MAGI2: variants seen among roughly 807,000 people sequenced by gnomAD.
The protein encoded by MAGI2 is membrane associated guanylate kinase, WW and PDZ domain containing 2.
A neutral mutation model predicts 133.3 loss-of-function variants in MAGI2; 35 were observed. The ratio of observed to expected loss-of-function variants is 0.26; its 90% confidence interval spans 0.20 to 0.35. MAGI2 has a LOEUF of 0.35. Among genes scored for constraint, MAGI2 ranks in the 10% least tolerant of loss-of-function variants. The probability of loss-of-function intolerance (pLI) is 1.00; values close to 1 mark genes in which losing one functional copy is unlikely to be tolerated. For synonymous variants in MAGI2, 729 were observed against 710.6 expected (o/e 1.03, Z -0.41); for missense variants, 1,636 against 1,863.4 (o/e 0.88, Z 2.25).
intron 2 of MAGI2, among the ~76,000 whole-genome samples, chr7:78,997,721 T>C (rs1384769035): frequency 6.6e-6 from 1 of 152,124 alleles, no homozygotes; most frequent in Non-Finnish European, 1.5e-5. Context: ...TTGATTCTCC[T>C]AAATTTTTCA....
At chr7:78,534,633 T>C (rs890569487) in intron 3 of MAGI2, among the ~76,000 whole-genome samples, 1 of 152,208 alleles carries the variant, frequency 6.6e-6, no homozygotes, top group African/African-American at 2.4e-5. Context: ...CCAAGAGCTA[T>C]GCAGTTTGAA....
chr7:78,429,583 T>C (rs1799600336), intron 6 of MAGI2, among the ~76,000 whole-genome samples: 1 of 152,142 alleles, frequency 6.6e-6, no homozygotes, highest in South Asian at 2.1e-4. Context: ...AATAAATATG[T>C]ACCTTTTTTC....
At chr7:79,383,284 T>C (rs1843930413) in intron 1 of MAGI2, among the ~76,000 whole-genome samples, 1 of 151,674 alleles carries the variant, frequency 6.6e-6, no homozygotes, top group Non-Finnish European at 1.5e-5. Flanking sequence ...TCTTAGAATT[T>C]ACATTGCAAA....
At position 78,607,976 on chromosome 7, in the gene MAGI2, T is replaced by C. The variant is rs557448205; in HGVS notation, c.538+19144A>G. ...CTCAAGAGGACATAAAACAGTTCCA[T>C]GTTGGCTTCTCTTGAACATGTTCCA... On this transcript the variant is annotated intron_variant, in intron 3 of 21. Coordinates refer to ENST00000354212, the MANE Select transcript of MAGI2 (RefSeq NM_012301.4). 1.5e-3 allele frequency among the ~76,000 whole-genome samples: 225 copies of C among 152,324 alleles called. 1 individual carries two copies. The highest frequency in any genetic ancestry group is 5.2e-3 in the African/African-American group (216 of 41,564).
intron 3 of MAGI2, among the ~76,000 whole-genome samples, chr7:78,587,594 A>G (rs1044406276): frequency 1.3e-5 from 2 of 152,230 alleles, no homozygotes; most frequent in Non-Finnish European, 2.9e-5. Flanking sequence ...ATCACTTTAT[A>G]CAGTCCAACT....
chr7:78,842,754 T>A (rs1584113283), intron 2 of MAGI2, among the ~76,000 whole-genome samples: 1 of 151,914 alleles, frequency 6.6e-6, no homozygotes, highest in East Asian at 1.9e-4. Context: ...TTTCCAAAAG[T>A]AATTTATTTC....
At chr7:78,551,800 A>G (rs1799354466) in intron 3 of MAGI2, among the ~76,000 whole-genome samples, 1 of 152,358 alleles carries the variant, frequency 6.6e-6, no homozygotes, top group South Asian at 2.1e-4. Context: ...GCTGGAGGGC[A>G]GCGGTGCGAA....
intron 20 of MAGI2, among the ~76,000 whole-genome samples, chr7:78,102,559 C>T (rs753078558): frequency 6.6e-6 from 1 of 152,128 alleles, no homozygotes; most frequent in East Asian, 1.9e-4. Flanking sequence ...CTTTCCCCCA[C>T]AAAAAGACAG....
At chr7:79,434,579 A>G (rs552953632) in intron 1 of MAGI2, among the ~76,000 whole-genome samples, 4 of 152,344 alleles carry the variant, frequency 2.6e-5, no homozygotes, top group African/African-American at 9.6e-5. Context: ...TCACATTGTC[A>G]AAAATCTACC....
chr7:78,646,447 T>C (rs1810905914), intron 2 of MAGI2, among the ~76,000 whole-genome samples: 3 of 152,342 alleles, frequency 2.0e-5, no homozygotes, highest in East Asian at 1.9e-4. Context: ...TATATGTGTA[T>C]AATATTCGAC....
chr7:79,430,132 T>C (rs1361968111), intron 1 of MAGI2, among the ~76,000 whole-genome samples: 1 of 152,126 alleles, frequency 6.6e-6, no homozygotes, highest in Non-Finnish European at 1.5e-5. Context: ...AAATTAGTAT[T>C]TGCTAAATAG....
At chr7:79,269,354 C>G (rs909619127) in intron 1 of MAGI2, among the ~76,000 whole-genome samples, 1 of 152,100 alleles carries the variant, frequency 6.6e-6, no homozygotes, top group African/African-American at 2.4e-5. Flanking sequence ...CTGCTTATTT[C>G]TATCATTTTG....
intron 20 of MAGI2, among the ~76,000 whole-genome samples, chr7:78,084,205 A>G (rs1816364617): frequency 6.6e-6 from 1 of 152,216 alleles, no homozygotes; most frequent in Non-Finnish European, 1.5e-5. Flanking sequence ...TAAATCATGA[A>G]TAATCTCTAT....
chr7:78,438,185 T>C (rs958292902), intron 6 of MAGI2, among the ~76,000 whole-genome samples: 5 of 152,102 alleles, frequency 3.3e-5, no homozygotes, highest in Non-Finnish European at 5.9e-5. Context: ...TCTTCTGTAT[T>C]CTGATAAACT....
intron 2 of MAGI2, among the ~76,000 whole-genome samples, chr7:78,961,470 G>A (rs1051210353): frequency 6.6e-6 from 1 of 152,080 alleles, no homozygotes; most frequent in East Asian, 1.9e-4. Flanking sequence ...ACTAATCGCT[G>A]TAATCACAGT....
intron 2 of MAGI2, among the ~76,000 whole-genome samples, chr7:78,980,055 G>T (rs1562745450): frequency 1.3e-5 from 2 of 151,800 alleles, no homozygotes; most frequent in African/African-American, 4.8e-5. Flanking sequence ...AGGAAATTTA[G>T]CTTAGTGATC....
At chr7:79,399,635 T>C (rs1259860092) in intron 1 of MAGI2, among the ~76,000 whole-genome samples, 2 of 152,162 alleles carry the variant, frequency 1.3e-5, no homozygotes, top group African/African-American at 4.8e-5. Flanking sequence ...CCAATGTATC[T>C]TTTGGGAATT....
chr7:79,389,936 T>C (rs1344335336), intron 1 of MAGI2, among the ~76,000 whole-genome samples: 1 of 152,160 alleles, frequency 6.6e-6, no homozygotes, highest in Non-Finnish European at 1.5e-5. Flanking sequence ...TATGAGGAGT[T>C]CATTATTTCC....
chr7:78,509,091 C>T (rs531411210), intron 4 of MAGI2, among the ~76,000 whole-genome samples: 50 of 151,936 alleles, frequency 3.3e-4, no homozygotes, highest in Middle Eastern at 3.4e-3. Context: ...TTCCCCATTG[C>T]GTTTCTGTGT....
Sources: allele counts gnomAD v4.1 joint callset (sites outside exome capture counted in the v4.1 genomes callset), GRCh38; gene constraint gnomAD v4.1.1; transcripts MANE v1.5; gene names NCBI Gene and HGNC (gene_info 2026-07-23, HGNC 2026-07-21).